PXYLP1: variants seen among roughly 807,000 people sequenced by gnomAD.
PXYLP1 encodes acid phosphatase-like 2.
PXYLP1 carries 17 observed loss-of-function variants against 37.9 expected under a neutral mutation model. The ratio of observed to expected loss-of-function variants is 0.45; its 90% confidence interval spans 0.31 to 0.67. The LOEUF (loss-of-function observed/expected upper bound fraction) is 0.67. Ranked by LOEUF, PXYLP1 falls within the 30% of genes least tolerant of loss-of-function variation. The probability of loss-of-function intolerance (pLI) is 0.07; values close to 1 mark genes in which losing one functional copy is unlikely to be tolerated. For missense variants in PXYLP1, 511 were observed against 612.0 expected (o/e 0.84, Z 1.74); for synonymous variants, 221 against 232.2 (o/e 0.95, Z 0.44).
intron 4 of PXYLP1, among the ~76,000 whole-genome samples, chr3:141,282,108 G>A (rs1269157960): frequency 2.0e-5 from 3 of 152,092 alleles, no homozygotes; most frequent in Non-Finnish European, 1.5e-5. Flanking sequence ...CATCCTTAAA[G>A]TGCCCCACAA....
chr3:141,283,861 G>A (rs973387185), intron 4 of PXYLP1, among the ~76,000 whole-genome samples: 2 of 151,676 alleles, frequency 1.3e-5, no homozygotes, highest in African/African-American at 2.4e-5. Context: ...TAGCCTTGGG[G>A]TTCAGCCTCA....
At chr3:141,235,771 G>A (rs970206159) in intron 1 of PXYLP1, among the ~76,000 whole-genome samples, 1 of 152,214 alleles carries the variant, frequency 6.6e-6, no homozygotes, top group Middle Eastern at 3.4e-3. Flanking sequence ...GGAGGCACCC[G>A]TGAACCCAGA....
At chr3:141,253,628 T>G (rs1941194127) in intron 1 of PXYLP1, among the ~76,000 whole-genome samples, 1 of 151,752 alleles carries the variant, frequency 6.6e-6, no homozygotes, top group Non-Finnish European at 1.5e-5. Context: ...GTGATCTGTT[T>G]ACTCCCTACT....
At chr3:141,291,950 G>A (rs531790884) in intron 5 of PXYLP1, among the ~76,000 whole-genome samples, 35 of 152,294 alleles carry the variant, frequency 2.3e-4, no homozygotes, top group Middle Eastern at 3.4e-3. Context: ...GGGTGACTTC[G>A]AACCCTGAGA....
chr3:141,279,630 A>G (rs2148816823), intron 4 of PXYLP1, 126 bp downstream of exon 4: 1 of 1,169,366 alleles, frequency 8.6e-7, no homozygotes, highest in Admixed American at 2.2e-5. Context: ...GCAGTCCTAC[A>G]TGTGAGTGCC....
Position 141,241,248 on chromosome 3 carries a change from G to A in PXYLP1, c.-54+9337G>A, listed in dbSNP as rs149010736. Among the ~76,000 whole-genome samples the A allele has an allele frequency of 5.9e-5, 9 of 152,288 alleles. No individual in the cohort carries two copies. The East Asian group carries it at 7.7e-4, about 13-fold the overall frequency. On this transcript the variant is annotated intron_variant, in intron 1 of 5. Transcript: ENST00000286353. ...GTGCTTTATTCTTGTTTAGTTTGTC[G>A]TAGGTTTCTGTGATGGGGCTATTCC...
At chr3:141,245,002 A>AT (rs1940902555) in intron 1 of PXYLP1, among the ~76,000 whole-genome samples, 1 of 144,782 alleles carries the variant, frequency 6.9e-6, no homozygotes, top group South Asian at 2.2e-4. Flanking sequence ...TGAGAGGTGA[A>AT]TTTTTTTGGC....
At chr3:141,278,024 G>A (rs1007788317) in intron 2 of PXYLP1, among the ~76,000 whole-genome samples, 1 of 152,228 alleles carries the variant, frequency 6.6e-6, no homozygotes, top group Non-Finnish European at 1.5e-5. Context: ...AGGGCATTAG[G>A]AAGAGGTAAT....
At chr3:141,266,916 T>C (rs1941530295) in intron 2 of PXYLP1, among the ~76,000 whole-genome samples, 2 of 152,150 alleles carry the variant, frequency 1.3e-5, no homozygotes, top group Admixed American at 1.3e-4. Context: ...GAACTGCCTC[T>C]GAGTAGGCAA....
Position 141,293,901 on chromosome 3 carries a change from G to T in PXYLP1, c.*696G>T, listed in dbSNP as rs895492831. The T allele has an allele frequency of 6.6e-6, 1 of 152,224 alleles. No individual in the cohort carries two copies. Among genetic ancestry groups the T allele is most frequent in the Admixed American group, 6.5e-5 (1 of 15,290 alleles). The allele number at this position is 152,224 out of a possible 1,614,324, so 9.4% of individuals were successfully genotyped here. A position where few individuals can be genotyped will look rare whatever the true frequency, so the allele number is the denominator to read the frequency against. On this transcript the variant is annotated 3_prime_UTR_variant, in exon 6 of 6. Coordinates refer to ENST00000286353, the MANE Select transcript of PXYLP1 (RefSeq NM_001037172.3). ...TACAATTGCACTTCCAGCACTTTGA[G>T]AACGAGTTGAATACCAAGAATTATT...
At chr3:141,278,584 T>G (rs1245969392) in intron 3 of PXYLP1, 84 bp downstream of exon 3, 3 of 1,540,468 alleles carry the variant, frequency 1.9e-6, no homozygotes, top group Non-Finnish European at 2.6e-6. Flanking sequence ...AGGAGCAAGA[T>G]GGCCAGGACC....
intron 1 of PXYLP1, 107 bp from the exon 2 acceptor site, chr3:141,260,016 A>C (rs1576587315): frequency 1.4e-6 from 1 of 732,242 alleles, no homozygotes; most frequent in Admixed American, 2.5e-5. Flanking sequence ...CTGCCGGGGG[A>C]CTGGGCTAAT....
intron 1 of PXYLP1, among the ~76,000 whole-genome samples, chr3:141,239,989 T>G (rs1325550119): frequency 6.6e-6 from 1 of 152,244 alleles, no homozygotes; most frequent in Admixed American, 6.5e-5. Flanking sequence ...CAGTTATGAA[T>G]GTGTCTGGCT....
chr3:141,238,877 A>G (rs908430779), intron 1 of PXYLP1, among the ~76,000 whole-genome samples: 3 of 152,338 alleles, frequency 2.0e-5, no homozygotes, highest in South Asian at 2.1e-4. Flanking sequence ...GTGGATCATC[A>G]TAAAGGTTTT....
At chr3:141,235,835 A>G (rs1418973037) in intron 1 of PXYLP1, among the ~76,000 whole-genome samples, 1 of 152,162 alleles carries the variant, frequency 6.6e-6, no homozygotes, top group African/African-American at 2.4e-5. Context: ...CTGGCCAACT[A>G]ACACCTAACT....
Position 141,293,155 on chromosome 3 carries a change from G to C in PXYLP1, c.1393G>C (p.Gly465Arg). 2 of 1,614,044 alleles carry C rather than the reference G, an allele frequency of 1.2e-6. No individual in the cohort carries two copies. Among genetic ancestry groups the C allele is most frequent in the Non-Finnish European group, 1.7e-6 (2 of 1,180,032 alleles). ...FVKRDMFVAL[G>R]GSGTNYYDAC... Reference sequence around the variant, plus strand: ...GAAAAGGGACATGTTTGTAGCCCTGGGTGGCAGTGGTACAAATTATTATGA... The same window carrying C: ...GAAAAGGGACATGTTTGTAGCCCTGCGTGGCAGTGGTACAAATTATTATGA... Residue 465 changes from glycine to arginine, a missense_variant, in exon 6 of 6, where the codon GGT becomes CGT. Transcript: ENST00000286353.
intron 2 of PXYLP1, among the ~76,000 whole-genome samples, chr3:141,271,787 A>G (rs16851274): frequency 0.21 from 31,376 of 152,080 alleles, 4,337 homozygotes; most frequent in African/African-American, 0.39. Context: ...TCCCTTTATT[A>G]GCACAGCTGC....
At chr3:141,286,504 TC>T (rs1342843787) in intron 4 of PXYLP1, among the ~76,000 whole-genome samples, 2 of 152,152 alleles carry the variant, frequency 1.3e-5, no homozygotes, top group African/African-American at 2.4e-5. Flanking sequence ...GGGTAGATTT[TC>T]TAGGAGGAAG....
At chr3:141,237,638 G>A (rs1940692719) in intron 1 of PXYLP1, among the ~76,000 whole-genome samples, 2 of 152,194 alleles carry the variant, frequency 1.3e-5, no homozygotes, top group South Asian at 2.1e-4. Context: ...AATGTTAGCT[G>A]CTATTCCTAT....
Sources: gnomAD v4.1 joint callset for allele counts (sites outside exome capture counted in the v4.1 genomes callset) on GRCh38, gnomAD v4.1.1 for gene constraint, MANE v1.5 for transcripts, NCBI Gene and HGNC (gene_info 2026-07-23, HGNC 2026-07-21) for gene names.